PDE7B: variants seen among roughly 807,000 people sequenced by gnomAD.
PDE7B encodes 3',5'-cyclic-AMP phosphodiesterase 7B.
PDE7B carries 29 observed loss-of-function variants against 56.2 expected under a neutral mutation model. That is an observed-to-expected ratio of 0.52 (90% CI 0.38 to 0.70). PDE7B has a LOEUF of 0.70. PDE7B is among the 30% of genes least tolerant of loss of function. The pLI, the probability that PDE7B is intolerant of heterozygous loss-of-function variation, is 0.00. For missense variants in PDE7B, 490 were observed against 565.0 expected (o/e 0.87, Z 1.35); for synonymous variants, 197 against 196.9 (o/e 1.00, Z 0.00).
intron 2 of PDE7B, among the ~76,000 whole-genome samples, chr6:136,014,713 T>C (rs1775946663): frequency 1.3e-5 from 2 of 152,202 alleles, no homozygotes; most frequent in African/African-American, 2.4e-5. Context: ...TGGGGTTCTT[T>C]TGAAAGTAGG....
chr6:135,992,587 A>G (rs141264501), intron 2 of PDE7B, among the ~76,000 whole-genome samples: 7 of 152,238 alleles, frequency 4.6e-5, no homozygotes, highest in Non-Finnish European at 1.0e-4. Context: ...CCAAGTTTTT[A>G]TGCATTAGAA....
At chr6:135,961,283 G>GTGTA (rs1554269795) in intron 2 of PDE7B, among the ~76,000 whole-genome samples, 19 of 104,310 alleles carry the variant, frequency 1.8e-4, no homozygotes, top group African/African-American at 6.8e-4. Flanking sequence ...GTGTGTGTAT[G>GTGTA]TGTGTGTGTG....
chr6:136,118,078 C>A (rs986088537), intron 3 of PDE7B, among the ~76,000 whole-genome samples: 1 of 152,150 alleles, frequency 6.6e-6, no homozygotes, highest in African/African-American at 2.4e-5. Context: ...TGTCCAGAAG[C>A]CTGCCTTGCT....
intron 2 of PDE7B, among the ~76,000 whole-genome samples, chr6:136,063,796 A>T (rs899225876): frequency 6.6e-6 from 1 of 152,092 alleles, no homozygotes; most frequent in African/African-American, 2.4e-5. Flanking sequence ...AGACATTCAA[A>T]ACCTCATATC....
chr6:136,105,365 A>C (rs1269642969), intron 2 of PDE7B, among the ~76,000 whole-genome samples: 1 of 152,238 alleles, frequency 6.6e-6, no homozygotes, highest in Non-Finnish European at 1.5e-5. Flanking sequence ...AAAGTGGTTA[A>C]GAACATGAGG....
chr6:135,976,021 G>T (rs1277069855), intron 2 of PDE7B, among the ~76,000 whole-genome samples: 1 of 152,072 alleles, frequency 6.6e-6, no homozygotes, highest in Non-Finnish European at 1.5e-5. Flanking sequence ...TAGCCTCAGG[G>T]AACCCAGAAA....
chr6:135,852,344 C>T (rs1165850286), intron 1 of PDE7B, among the ~76,000 whole-genome samples: 1 of 151,184 alleles, frequency 6.6e-6, no homozygotes, highest in Non-Finnish European at 1.5e-5. Flanking sequence ...TTTTTTTTCT[C>T]CAACATAAAT....
At chr6:136,079,030 T>A (rs1777165601) in intron 2 of PDE7B, among the ~76,000 whole-genome samples, 1 of 152,198 alleles carries the variant, frequency 6.6e-6, no homozygotes, top group Admixed American at 6.5e-5. Context: ...TGGAGAATTA[T>A]ATACAGATGC....
intron 1 of PDE7B, among the ~76,000 whole-genome samples, chr6:135,947,132 C>T (rs1032111756): frequency 2.6e-5 from 4 of 151,960 alleles, no homozygotes; most frequent in Admixed American, 6.6e-5. Context: ...AATAATTAGC[C>T]GCAGATTATT....
At chr6:135,966,052 AT>A (rs937246377) in intron 2 of PDE7B, among the ~76,000 whole-genome samples, 2 of 152,206 alleles carry the variant, frequency 1.3e-5, no homozygotes, top group African/African-American at 4.8e-5. Flanking sequence ...GGTAATAACA[AT>A]AAAGAGATTT....
At chr6:136,022,041 C>A (rs1776081518) in intron 2 of PDE7B, among the ~76,000 whole-genome samples, 1 of 152,170 alleles carries the variant, frequency 6.6e-6, no homozygotes, top group Admixed American at 6.5e-5. Context: ...GACATAGCAG[C>A]TAGTTCTTGC....
intron 3 of PDE7B, among the ~76,000 whole-genome samples, chr6:136,117,647 T>C (rs2128442993): frequency 6.6e-6 from 1 of 152,336 alleles, no homozygotes; most frequent in Non-Finnish European, 1.5e-5. Flanking sequence ...CCAATGCCAC[T>C]ATATCTAACA....
chr6:136,001,324 C>A (rs1338501520), intron 2 of PDE7B, among the ~76,000 whole-genome samples: 1 of 151,620 alleles, frequency 6.6e-6, no homozygotes, highest in Non-Finnish European at 1.5e-5. Context: ...CAGTTCCTCA[C>A]CAGCAACGGA....
intron 1 of PDE7B, among the ~76,000 whole-genome samples, chr6:135,880,248 A>T (rs1268690326): frequency 6.6e-6 from 1 of 152,194 alleles, no homozygotes; most frequent in African/African-American, 2.4e-5. Flanking sequence ...TGGACTACAG[A>T]TAATCCACTA....
intron 1 of PDE7B, among the ~76,000 whole-genome samples, chr6:135,892,972 C>T (rs1427097623): frequency 6.6e-6 from 1 of 152,094 alleles, no homozygotes; most frequent in African/African-American, 2.4e-5. Flanking sequence ...CTTTTTGAAT[C>T]CACATGGCAT....
Position 136,009,069 on chromosome 6 carries a change from C to A in PDE7B, c.82+61545C>A, listed in dbSNP as rs1172252990. ...TCTACATATGGCTAGCCAGTTTTCC[C>A]AGCACCATTTATTAAATAGGGAATC... On this transcript the variant is annotated intron_variant, in intron 2 of 12. Transcript: ENST00000308191. 2.6e-5 allele frequency among the ~76,000 whole-genome samples: 4 copies of A among 151,814 alleles called. No homozygotes were observed. In the South Asian group the frequency reaches 6.2e-4, roughly 24 times the overall value.
chr6:135,984,543 T>G (rs532114650), intron 2 of PDE7B, among the ~76,000 whole-genome samples: 4 of 152,304 alleles, frequency 2.6e-5, no homozygotes, highest in African/African-American at 9.6e-5. Context: ...TGGCCAGCAA[T>G]GTCTCACGTG....
At chr6:135,948,359 G>A (rs1774626577) in intron 2 of PDE7B, among the ~76,000 whole-genome samples, 1 of 151,856 alleles carries the variant, frequency 6.6e-6, no homozygotes, top group South Asian at 2.1e-4. Flanking sequence ...TTTTACCTTT[G>A]TAGATTCTAA....
intron 1 of PDE7B, among the ~76,000 whole-genome samples, chr6:135,873,592 G>A (rs1361510919): frequency 1.3e-5 from 2 of 152,082 alleles, no homozygotes; most frequent in Non-Finnish European, 2.9e-5. Flanking sequence ...ATATGAGGTA[G>A]GCATATATGA....
Sources: allele counts gnomAD v4.1 joint callset (sites outside exome capture counted in the v4.1 genomes callset), GRCh38; gene constraint gnomAD v4.1.1; transcripts MANE v1.5; gene names NCBI Gene and HGNC (gene_info 2026-07-23, HGNC 2026-07-21).